The following CELF2 variants were observed in gnomAD, a reference collection of about 807,000 sequenced individuals.
The protein encoded by CELF2 is CUG triplet repeat RNA-binding protein 2.
Under a neutral mutation model 62.6 loss-of-function variants are expected in CELF2, and 8 were observed. That is an observed-to-expected ratio of 0.13 (90% CI 0.07 to 0.23). CELF2 has a LOEUF of 0.23. Ranked by LOEUF, CELF2 falls within the 10% of genes least tolerant of loss-of-function variation. The pLI is 1.00. For synonymous variants in CELF2, 258 were observed against 250.0 expected, an observed-to-expected ratio of 1.03 and a Z score of -0.30; for missense variants, 333 against 671.0, an observed-to-expected ratio of 0.50 and a Z score of 5.56.
At chr10:11,088,037 A>G (rs2047293187) in intron 1 of CELF2, among the ~76,000 whole-genome samples, 1 of 152,224 alleles carries the variant, frequency 6.6e-6, no homozygotes, top group Non-Finnish European at 1.5e-5. Context: ...TGTGTTAGGC[A>G]TTGGGAACAC....
rs1337187306 is a variant in CELF2, at chr10:11,290,334, G to T, written c.976+1782G>T. 1.3e-5 allele frequency among the ~76,000 whole-genome samples: 2 copies of T among 152,292 alleles called. No individual in the cohort carries two copies. The highest frequency in any genetic ancestry group is 4.8e-5 in the African/African-American group (2 of 41,556). ...CAGAGACCTGAGTTCCGTGACGGAA[G>T]CCATGGCGCGTGTTGAGGCAGAGGA... is the stretch of plus-strand genomic sequence containing the variant. On this transcript the variant is annotated intron_variant, in intron 9 of 12. Coordinates refer to ENST00000633077, the MANE Select transcript of CELF2 (RefSeq NM_001326342.2). The surrounding 1 kb of genome is among the most constrained non-coding windows in gnomAD (Gnocchi z 4.3).
At chr10:10,730,234 T>C in the CELF2 span, among the ~76,000 whole-genome samples, 2 of 152,168 alleles carry the variant, frequency 1.3e-5, no homozygotes, top group Non-Finnish European at 2.9e-5. Context: ...CCCAGCTCTT[T>C]GGGAGGCCAA....
chr10:10,751,296 C>A, the CELF2 span, among the ~76,000 whole-genome samples: 1 of 152,188 alleles, frequency 6.6e-6, no homozygotes, highest in Admixed American at 6.5e-5. Flanking sequence ...GAACTCACTG[C>A]GTTCCATGAG....
chr10:11,206,435 G>A (rs1397955841), intron 2 of CELF2, among the ~76,000 whole-genome samples: 1 of 152,202 alleles, frequency 6.6e-6, no homozygotes, highest in African/African-American at 2.4e-5. Context: ...AGGTCCCTCA[G>A]TACTTTAGAA....
rs997209483 is a variant in CELF2, at chr10:11,333,953, G to A, written c.*4900G>A. ...GGCCCCTGACAATGACTGATTTCAA[G>A]TTTGATTTCGGGTTGATTGATTGAT... On this transcript the variant is annotated 3_prime_UTR_variant, in exon 13 of 13. Coordinates refer to ENST00000633077, the MANE Select transcript of CELF2 (RefSeq NM_001326342.2). 6.8e-6 allele frequency: 1 copy of A among 146,816 alleles called. No individual in the cohort carries two copies. Among genetic ancestry groups the A allele is most frequent in the Non-Finnish European group, 1.5e-5 (1 of 66,988 alleles). 9.1% of individuals were successfully genotyped at this position (146,816 alleles called of 1,614,324 possible).
At chr10:11,253,262 G>A (rs935630089) in intron 4 of CELF2, among the ~76,000 whole-genome samples, 2 of 152,172 alleles carry the variant, frequency 1.3e-5, no homozygotes, top group South Asian at 4.1e-4. Context: ...TTTGCTGGGG[G>A]TCTTTAACGC....
the CELF2 span, among the ~76,000 whole-genome samples, chr10:10,533,281 T>G: frequency 6.6e-6 from 1 of 152,210 alleles, no homozygotes; most frequent in Non-Finnish European, 1.5e-5. Flanking sequence ...TGTTTTGTCT[T>G]TTAATGAAGA....
chr10:11,252,497 G>GC lies in CELF2; in HGVS notation c.403+3296_403+3297insC, dbSNP rs1306194075. 9.8e-5 allele frequency among the ~76,000 whole-genome samples: 15 copies of GC among 152,328 alleles called. No individual in the cohort carries two copies. In the East Asian group the frequency reaches 2.3e-3, roughly 23 times the overall value. ...TCATGGATTAATTCATGATGGACAG[G>GC]TGAACTCCAGAAAAGCAGTCACCCT... On this transcript the variant is annotated intron_variant, in intron 4 of 12. Transcript: ENST00000633077.
At chr10:11,271,723 G>A (rs866652910) in intron 7 of CELF2, among the ~76,000 whole-genome samples, 1 of 151,904 alleles carries the variant, frequency 6.6e-6, no homozygotes, top group Non-Finnish European at 1.5e-5. Flanking sequence ...GTCTCTGTGT[G>A]TGTGTGTGTG....
chr10:11,332,830 G>A lies in CELF2; in HGVS notation c.*3777G>A, dbSNP rs2132967300. 2 of 152,754 alleles carry A rather than the reference G, an allele frequency of 1.3e-5. No homozygotes were observed. The highest frequency in any genetic ancestry group is 2.1e-4 in the South Asian group (1 of 4,828). 9.5% of individuals were successfully genotyped at this position (152,754 alleles called of 1,614,324 possible). On this transcript the variant is annotated 3_prime_UTR_variant, in exon 13 of 13. Transcript: ENST00000633077. ...CATGATTTGTATTATCCTCACATGTGTTTACTACTGCTGGGGCCTTCCTTC... is the reference window on the plus strand; with the variant it reads ...CATGATTTGTATTATCCTCACATGTATTTACTACTGCTGGGGCCTTCCTTC...
intron 1 of CELF2, among the ~76,000 whole-genome samples, chr10:10,846,357 T>A (rs2132647497): frequency 6.6e-6 from 1 of 152,326 alleles, no homozygotes; most frequent in Non-Finnish European, 1.5e-5. Context: ...CTTTCACAGA[T>A]GTTCCCTCTA....
the CELF2 span, among the ~76,000 whole-genome samples, chr10:10,576,183 A>T: frequency 6.6e-6 from 1 of 152,162 alleles, no homozygotes. Context: ...GGAGCTAGAG[A>T]CCAAATTGGG....
At chr10:10,816,298 TAATC>T (rs758085657) in intron 1 of CELF2, among the ~76,000 whole-genome samples, 1 of 152,332 alleles carries the variant, frequency 6.6e-6, no homozygotes, top group Admixed American at 6.5e-5. Flanking sequence ...TTTAAAAAAA[TAATC>T]AAAGGCACAT....
At chr10:10,564,597 C>T in the CELF2 span, among the ~76,000 whole-genome samples, 2 of 150,982 alleles carry the variant, frequency 1.3e-5, no homozygotes, top group African/African-American at 4.9e-5. Flanking sequence ...CTCATTACAC[C>T]TTGCCCTTTC....
intron 1 of CELF2, among the ~76,000 whole-genome samples, chr10:11,134,060 A>G (rs1344962024): frequency 2.6e-5 from 4 of 152,224 alleles, no homozygotes; most frequent in African/African-American, 9.6e-5. Context: ...AATGACTAGC[A>G]TAGCGATATT....
intron 2 of CELF2, among the ~76,000 whole-genome samples, chr10:10,945,543 G>C (rs1213977380): frequency 6.6e-6 from 1 of 152,180 alleles, no homozygotes; most frequent in Non-Finnish European, 1.5e-5. Context: ...AACTACCTGG[G>C]CCTGACTTAG....
chr10:11,017,480 C>T (rs545281909), upstream of CELF2, among the ~76,000 whole-genome samples: 90 of 152,326 alleles, frequency 5.9e-4, 1 homozygote, highest in South Asian at 0.011. The surrounding 1 kb of genome is among the most constrained non-coding windows in gnomAD (Gnocchi z 5.5). Flanking sequence ...TATATCCTTT[C>T]GGTGATCGCC....
intron 1 of CELF2, among the ~76,000 whole-genome samples, chr10:10,848,352 G>A (rs1339066448): frequency 6.6e-6 from 1 of 152,120 alleles, no homozygotes; most frequent in Non-Finnish European, 1.5e-5. Flanking sequence ...TTGAAAAATG[G>A]CAACAGCGCC....
At chr10:10,979,290 A>G (rs2051754615) in intron 2 of CELF2, among the ~76,000 whole-genome samples, 1 of 152,122 alleles carries the variant, frequency 6.6e-6, no homozygotes, top group African/African-American at 2.4e-5. Context: ...TGATTGGCAA[A>G]CCTCAGATTA....
Sources: gnomAD v4.1 joint callset for allele counts (sites outside exome capture counted in the v4.1 genomes callset) on GRCh38, gnomAD v4.1.1 for gene constraint, Gnocchi (gnomAD v3.1) non-coding constraint, MANE v1.5 for transcripts, NCBI Gene and HGNC (gene_info 2026-07-23, HGNC 2026-07-21) for gene names.